Variants in RAD50 observed in about 807,000 individuals in gnomAD.
RAD50 encodes DNA repair protein RAD50.
Under a neutral mutation model 168.8 loss-of-function variants are expected in RAD50, and 132 were observed. The ratio of observed to expected loss-of-function variants is 0.78; its 90% confidence interval spans 0.68 to 0.90. The LOEUF (loss-of-function observed/expected upper bound fraction) is 0.90, where lower values mean the gene tolerates loss of function less well. Among genes scored for constraint, RAD50 ranks in the 40% least tolerant of loss-of-function variants. The pLI is 0.00. For synonymous variants in RAD50, 525 were observed against 497.4 expected (o/e 1.06, Z -0.74); for missense variants, 1,347 against 1,534.4 (o/e 0.88, Z 2.04).
At chr5:132,594,777 G>A (rs929731219) in intron 11 of RAD50, 92 bp from the exon 12 acceptor site, 3 of 1,292,334 alleles carry the variant, frequency 2.3e-6, no homozygotes, top group East Asian at 2.3e-5. Flanking sequence ...GTCATGATTT[G>A]TTGGCAGAAT....
intron 3 of RAD50, among the ~76,000 whole-genome samples, chr5:132,577,481 CCA>C (rs1750419831): frequency 6.6e-6 from 1 of 152,180 alleles, no homozygotes; most frequent in African/African-American, 2.4e-5. Flanking sequence ...GTTCCATGTA[CCA>C]TAGCTAAGTA....
At chr5:132,591,137 GTAGT>G in intron 9 of RAD50, 83 bp from the exon 10 acceptor site, 2 of 1,304,790 alleles carry the variant, frequency 1.5e-6, no homozygotes, top group Non-Finnish European at 2.2e-6. Context: ...ATTCTGAGGA[GTAGT>G]TAATTTCTAA....
chr5:132,561,947 G>A (rs528200186), intron 2 of RAD50, among the ~76,000 whole-genome samples: 7 of 152,156 alleles, frequency 4.6e-5, no homozygotes, highest in African/African-American at 1.4e-4. Context: ...TATTAGAATC[G>A]TCTCCTAACT....
chr5:132,585,779 A>G (rs1376250939), intron 5 of RAD50, among the ~76,000 whole-genome samples: 4 of 151,838 alleles, frequency 2.6e-5, no homozygotes, highest in Admixed American at 2.0e-4. Context: ...AGACTTGTAG[A>G]GGCAAGGTCT....
intron 19 of RAD50, among the ~76,000 whole-genome samples, chr5:132,609,663 T>TC (rs2149850090): frequency 6.6e-6 from 1 of 152,122 alleles, no homozygotes; most frequent in East Asian, 1.9e-4. Context: ...GCACCTGTAG[T>TC]CCCAGCTACT....
At chr5:132,591,106 GCAAACAGTAATA>G in intron 9 of RAD50, 106 bp from the exon 10 acceptor site, 3 of 1,050,240 alleles carry the variant, frequency 2.9e-6, no homozygotes, top group Non-Finnish European at 4.4e-6. Context: ...CTTGTTGGAT[GCAAACAGTAATA>G]TTTGGAACAT....
chr5:132,634,063 A>G (rs1476940194), intron 21 of RAD50, among the ~76,000 whole-genome samples: 1 of 152,034 alleles, frequency 6.6e-6, no homozygotes, highest in Non-Finnish European at 1.5e-5. Context: ...TATCTCTTCT[A>G]TATGAACTTT....
intron 21 of RAD50, among the ~76,000 whole-genome samples, chr5:132,619,838 A>C (rs56877785): frequency 0.17 from 19,454 of 114,100 alleles, 1,597 homozygotes; most frequent in Middle Eastern, 0.28. Context: ...CTCTCTCTCT[A>C]TATATATATA....
intron 5 of RAD50, among the ~76,000 whole-genome samples, chr5:132,583,247 T>C (rs1293131302): frequency 6.6e-6 from 1 of 152,154 alleles, no homozygotes; most frequent in Non-Finnish European, 1.5e-5. Context: ...GTAAACTCCA[T>C]AGTAACTGTG....
intron 20 of RAD50, among the ~76,000 whole-genome samples, chr5:132,617,393 G>C (rs150883053): frequency 7.0e-4 from 106 of 152,286 alleles, no homozygotes; most frequent in African/African-American, 2.4e-3. Flanking sequence ...AGTCGACTCT[G>C]TAAGGATGCC....
chr5:132,558,184 G>A (rs1328557048), intron 1 of RAD50, among the ~76,000 whole-genome samples: 1 of 152,196 alleles, frequency 6.6e-6, no homozygotes, highest in Non-Finnish European at 1.5e-5. Flanking sequence ...GTTGAGAATT[G>A]AATGCCAAAC....
intron 2 of RAD50, among the ~76,000 whole-genome samples, chr5:132,561,909 C>T (rs1750131589): frequency 1.3e-5 from 2 of 152,110 alleles, no homozygotes; most frequent in Non-Finnish European, 2.9e-5. Context: ...TGTTCCTGTT[C>T]CAAGCCACCA....
rs551338221 is a variant in RAD50, at chr5:132,577,180, A to G, written c.365+1252A>G. On this transcript the variant is annotated intron_variant, in intron 3 of 24. Transcript: ENST00000378823. ...TCTTTCCGTCTTTTAGAGGCCACCC[A>G]TATTTTTTAGATCATGCCCTCTTAC... 6.0e-4 allele frequency among the ~76,000 whole-genome samples: 92 copies of G among 152,306 alleles called. 1 individual carries two copies. In the South Asian group the frequency reaches 0.017, roughly 29 times the overall value.
At chr5:132,640,634 G>A (rs2149865412) in intron 23 of RAD50, 38 bp from the exon 24 acceptor site, 1 of 1,613,888 alleles carries the variant, frequency 6.2e-7, no homozygotes, top group Non-Finnish European at 8.5e-7. Context: ...AGATGAGAAG[G>A]TCTGTGCTGG....
At chr5:132,584,271 A>G (rs1750556135) in intron 5 of RAD50, among the ~76,000 whole-genome samples, 1 of 151,966 alleles carries the variant, frequency 6.6e-6, no homozygotes, top group Admixed American at 6.5e-5. Flanking sequence ...GATGATGAGC[A>G]TTTTTTCATG....
Position 132,588,857 on chromosome 5 carries a change from GCAAAAACTGC to G in RAD50, c.1226_1235del (p.Lys409ThrfsTer3). The G allele has an allele frequency of 6.2e-7, 1 of 1,613,544 alleles. No homozygotes were observed. Among genetic ancestry groups the G allele is most frequent in the South Asian group, 1.1e-5 (1 of 91,064 alleles). ...TGTGAGAGAGAGACAAGAAGGGGAAGCAAAAACTGCCAACCAACTGATGGCAAGTATTTTG... is the reference window on the plus strand; with the variant it reads ...TGTGAGAGAGAGACAAGAAGGGGAAGCAACCAACTGATGGCAAGTATTTTG... On this transcript the variant is annotated frameshift_variant, in exon 8 of 25. Coordinates refer to ENST00000378823, the MANE Select transcript of RAD50 (RefSeq NM_005732.4). LOFTEE classifies it high-confidence loss of function.
At chr5:132,616,239 T>C in intron 20 of RAD50, 109 bp downstream of exon 20, 1 of 1,074,630 alleles carries the variant, frequency 9.3e-7, no homozygotes, top group Non-Finnish European at 1.4e-6. Flanking sequence ...TGGTATCCTT[T>C]GAGAGTTACT....
chr5:132,646,092 C>CAAAAAAAAAAAAAAAAAAAAAAAAAAA lies in RAD50; in HGVS notation c.*3749_*3750insAAAAAAAAAAAAAAAAAAAAAAAAAAA, dbSNP rs757145249. On this transcript the variant is annotated 3_prime_UTR_variant, in exon 25 of 25. Coordinates refer to ENST00000378823, the MANE Select transcript of RAD50 (RefSeq NM_005732.4). ...CAGAGTGAGACCCTGTCTAAAAAGACAAAAAAAAAAAAAAAAAAAAAGCAG... is the reference window on the plus strand; with the variant it reads ...CAGAGTGAGACCCTGTCTAAAAAGACAAAAAAAAAAAAAAAAAAAAAAAAAAAAAAAAAAAAAAAAAAAAAAAAGCAG... 5.2e-5 allele frequency: 4 copies of CAAAAAAAAAAAAAAAAAAAAAAAAAAA among 77,170 alleles called. No homozygotes were observed. Among genetic ancestry groups the CAAAAAAAAAAAAAAAAAAAAAAAAAAA allele is most frequent in the African/African-American group, 1.8e-4 (4 of 22,120 alleles). The allele number at this position is 77,170 out of a possible 1,614,324, so 4.8% of individuals were successfully genotyped here. A position where few individuals can be genotyped will look rare whatever the true frequency, so the allele number is the denominator to read the frequency against.
rs876659132 is a variant in RAD50, at chr5:132,589,751, G to T, written c.1366G>T (p.Glu456Ter). 9 of 1,613,710 alleles carry T rather than the reference G, an allele frequency of 5.6e-6. No homozygotes were observed. The highest frequency in any genetic ancestry group is 7.6e-6 in the Non-Finnish European group (9 of 1,179,784). ...AGAAATCCTAAGTAAGAAGCAGAAT[G>T]AGCTGAAAAATGTGAAGTATGAATT... ...KSEILSKKQN[E>*]LKNVKYELQQ... The change falls in exon 9 of 25, where the codon GAG becomes TAG. Residue 456 changes from glutamate (E) to a stop codon, truncating the protein, a stop_gained. Transcript: ENST00000378823. LOFTEE classifies it high-confidence loss of function.
Sources: allele counts gnomAD v4.1 joint callset (sites outside exome capture counted in the v4.1 genomes callset), GRCh38; gene constraint gnomAD v4.1.1; transcripts MANE v1.5; gene names NCBI Gene and HGNC (gene_info 2026-07-23, HGNC 2026-07-21).